The following LRP1B variants were observed in gnomAD, a reference collection of about 807,000 sequenced individuals.
LRP1B encodes the protein low-density lipoprotein receptor-related protein 1B.
Under a neutral mutation model 556.6 loss-of-function variants are expected in LRP1B, and 217 were observed. That is an observed-to-expected ratio of 0.39 (90% confidence interval 0.35 to 0.44). The LOEUF is 0.44. Among genes scored for constraint, LRP1B ranks in the 20% least tolerant of loss-of-function variants. LRP1B has a pLI of 1.00. For missense variants in LRP1B, 5,053 were observed against 5,620.8 expected, an observed-to-expected ratio of 0.90 and a Z score of 3.23; for synonymous variants, 2,047 against 1,865.8, an observed-to-expected ratio of 1.10 and a Z score of -2.50.
chr2:140,989,481 T>C, intron 17 of LRP1B, 51 bp downstream of exon 17: 1 of 1,603,566 alleles, frequency 6.2e-7, no homozygotes, highest in South Asian at 1.1e-5. Context: ...TGCATTTTTA[T>C]TAAGACTAAC....
At chr2:141,999,180 A>G (rs2105132504) in intron 1 of LRP1B, among the ~76,000 whole-genome samples, 1 of 152,170 alleles carries the variant, frequency 6.6e-6, no homozygotes, top group East Asian at 1.9e-4. Flanking sequence ...GTTTTAATCT[A>G]AATTCTGGTC....
intron 6 of LRP1B, among the ~76,000 whole-genome samples, chr2:141,212,593 G>C (rs1214646215): frequency 6.6e-6 from 1 of 151,518 alleles, no homozygotes; most frequent in African/African-American, 2.4e-5. Context: ...AAAAAGTCTA[G>C]ATTCTAAATA....
intron 4 of LRP1B, 55 bp downstream of exon 4, chr2:141,254,467 T>G (rs9973397): frequency 0.32 from 503,515 of 1,563,458 alleles, 87,473 homozygotes; most frequent in East Asian, 0.59. Flanking sequence ...TGCTTACATT[T>G]CTGTTAACTA....
At chr2:141,518,484 T>G (rs1343074662) in intron 2 of LRP1B, among the ~76,000 whole-genome samples, 1 of 152,178 alleles carries the variant, frequency 6.6e-6, no homozygotes, top group Non-Finnish European at 1.5e-5. Flanking sequence ...AAATTTCACT[T>G]TGGGTGTTTT....
chr2:140,582,566 G>T (rs775607439), intron 43 of LRP1B, among the ~76,000 whole-genome samples: 4 of 152,116 alleles, frequency 2.6e-5, no homozygotes, highest in Non-Finnish European at 4.4e-5. Context: ...CCTTATACAA[G>T]AGCCTAAGTG....
chr2:141,429,391 A>T (rs62167991), intron 3 of LRP1B, among the ~76,000 whole-genome samples: 3,184 of 152,272 alleles, frequency 0.021, 69 homozygotes, highest in East Asian at 0.091. Context: ...GAATGACACA[A>T]TTAGAGAATG....
intron 7 of LRP1B, among the ~76,000 whole-genome samples, chr2:141,123,263 T>A (rs75949242): frequency 0.28 from 39,783 of 144,000 alleles, 5,825 homozygotes; most frequent in East Asian, 0.46. Context: ...AATAAATAAA[T>A]AAAAAAAAGA....
intron 70 of LRP1B, 106 bp from the exon 71 acceptor site, chr2:140,370,948 G>A: frequency 8.2e-7 from 1 of 1,218,462 alleles, no homozygotes; most frequent in Non-Finnish European, 1.1e-6. Flanking sequence ...TATACCATGG[G>A]CTTTCTTTCA....
intron 2 of LRP1B, among the ~76,000 whole-genome samples, chr2:141,596,081 T>A (rs1201206972): frequency 6.6e-6 from 1 of 151,998 alleles, no homozygotes; most frequent in East Asian, 1.9e-4. Flanking sequence ...ACATTGATAT[T>A]TGGATACCAA....
intron 3 of LRP1B, among the ~76,000 whole-genome samples, chr2:141,307,253 GATTTA>G (rs1317827402): frequency 5.9e-5 from 9 of 151,950 alleles, no homozygotes; most frequent in East Asian, 3.9e-4. Context: ...TCTGCCTTTA[GATTTA>G]ATAATATTTG....
chr2:141,415,052 T>C (rs1180447795), intron 3 of LRP1B, among the ~76,000 whole-genome samples: 1 of 152,234 alleles, frequency 6.6e-6, no homozygotes, highest in Non-Finnish European at 1.5e-5. Context: ...TCTTGCTCTG[T>C]CACCCAGGCT....
At chr2:141,133,607 T>C (rs1024035349) in intron 7 of LRP1B, among the ~76,000 whole-genome samples, 5 of 152,042 alleles carry the variant, frequency 3.3e-5, no homozygotes, top group Admixed American at 1.3e-4. Flanking sequence ...AAATATTCAC[T>C]GTTATTATTT....
chr2:140,389,577 T>G (rs1042617943), intron 66 of LRP1B, among the ~76,000 whole-genome samples: 5 of 150,830 alleles, frequency 3.3e-5, no homozygotes, highest in Non-Finnish European at 5.9e-5. Flanking sequence ...AATTTATATA[T>G]GATTTTTATA....
At position 142,115,557 on chromosome 2, in the gene LRP1B, T is replaced by C. The variant is rs1334954720; in HGVS notation, c.82+15091A>G. Among the ~76,000 whole-genome samples, 66 of 54,100 alleles carry C rather than the reference T, an allele frequency of 1.2e-3. 5 individuals are homozygous for C. Among genetic ancestry groups the C allele is most frequent in the African/African-American group, 4.2e-3 (52 of 12,270 alleles). The allele number at this position is 54,100 out of a possible 152,430, so 35.5% of individuals were successfully genotyped here. A position where few individuals can be genotyped will look rare whatever the true frequency, so the allele number is the denominator to read the frequency against. ...TATTACATATGTAATATATATATTATATATGTAATATATATTATATATGTA... is the reference window on the plus strand; with the variant it reads ...TATTACATATGTAATATATATATTACATATGTAATATATATTATATATGTA... On this transcript the variant is annotated intron_variant, in intron 1 of 90. Coordinates refer to ENST00000389484, the MANE Select transcript of LRP1B (RefSeq NM_018557.3).
chr2:141,250,376 G>A (rs996575586), intron 4 of LRP1B, among the ~76,000 whole-genome samples: 1 of 152,108 alleles, frequency 6.6e-6, no homozygotes, highest in African/African-American at 2.4e-5. Flanking sequence ...AAAGGGGACT[G>A]GGGGTTGGGC....
chr2:141,473,166 CA>C (rs5834834), intron 3 of LRP1B, among the ~76,000 whole-genome samples: 66,676 of 151,598 alleles, frequency 0.44, 14,922 homozygotes, highest in Non-Finnish European at 0.49. Flanking sequence ...CAGATGTCTG[CA>C]AAAAAAGCAT....
chr2:140,343,486 G>A (rs1039828836), intron 77 of LRP1B, among the ~76,000 whole-genome samples: 1 of 151,352 alleles, frequency 6.6e-6, no homozygotes, highest in Non-Finnish European at 1.5e-5. Flanking sequence ...AAAATCAAAC[G>A]AATTATGTAT....
chr2:141,455,595 T>C (rs577723118), intron 3 of LRP1B, among the ~76,000 whole-genome samples: 14 of 152,152 alleles, frequency 9.2e-5, no homozygotes, highest in African/African-American at 3.4e-4. Flanking sequence ...TGTTCTCCCA[T>C]CAAGAAATCT....
intron 46 of LRP1B, among the ~76,000 whole-genome samples, chr2:140,535,643 T>A (rs1690918674): frequency 6.6e-6 from 1 of 152,156 alleles, no homozygotes; most frequent in Admixed American, 6.6e-5. Context: ...ACGATCCCAA[T>A]GCTATTGGAT....
Sources: gnomAD v4.1 joint callset for allele counts (sites outside exome capture counted in the v4.1 genomes callset) on GRCh38, gnomAD v4.1.1 for gene constraint, MANE v1.5 for transcripts, NCBI Gene and HGNC (gene_info 2026-07-23, HGNC 2026-07-21) for gene names.